DLGAP2: variants seen among roughly 807,000 people sequenced by gnomAD.
DLGAP2 encodes DLG associated protein 2.
Under a neutral mutation model 100.3 loss-of-function variants are expected in DLGAP2, and 26 were observed. That is an observed-to-expected ratio of 0.26 (90% CI 0.19 to 0.36). The LOEUF (loss-of-function observed/expected upper bound fraction) is 0.36. Among genes scored for constraint, DLGAP2 ranks in the 10% least tolerant of loss-of-function variants. The pLI is 1.00. For missense variants in DLGAP2, 1,858 were observed against 1,453.2 expected, an observed-to-expected ratio of 1.28 and a Z score of -4.53; for synonymous variants, 886 against 630.1, an observed-to-expected ratio of 1.41 and a Z score of -6.08.
chr8:1,270,766 G>T (rs1319268308), intron 3 of DLGAP2, among the ~76,000 whole-genome samples: 1 of 151,014 alleles, frequency 6.6e-6, no homozygotes, highest in Non-Finnish European at 1.5e-5. Flanking sequence ...CTCTCTCTGT[G>T]TGTCTCTCTG....
intron 3 of DLGAP2, among the ~76,000 whole-genome samples, chr8:1,320,482 G>C (rs1008728043): frequency 3.9e-5 from 6 of 152,204 alleles, no homozygotes; most frequent in African/African-American, 1.4e-4. Flanking sequence ...AAGGCATCAG[G>C]AGCCGGGCAG....
chr8:1,147,961 T>A (rs1396351895), intron 2 of DLGAP2, among the ~76,000 whole-genome samples: 3 of 152,250 alleles, frequency 2.0e-5, no homozygotes, highest in African/African-American at 7.2e-5. Flanking sequence ...CCCTTTGATT[T>A]GGAATTAAAG....
chr8:1,677,713 G>C (rs1186585538), intron 11 of DLGAP2, among the ~76,000 whole-genome samples: 1 of 152,214 alleles, frequency 6.6e-6, no homozygotes, highest in African/African-American at 2.4e-5. Flanking sequence ...ACCTGCCAAA[G>C]TCAGAATTTG....
chr8:799,192 G>T (rs1479046493), intron 1 of DLGAP2, among the ~76,000 whole-genome samples: 1 of 152,168 alleles, frequency 6.6e-6, no homozygotes, highest in African/African-American at 2.4e-5. Context: ...TTCTCTCTGG[G>T]TTTCAGCTCA....
chr8:780,395 CACGTAGGTTG>C, intron 1 of DLGAP2, among the ~76,000 whole-genome samples: 2 of 152,318 alleles, frequency 1.3e-5, no homozygotes, highest in African/African-American at 4.8e-5. Flanking sequence ...CATTGACAGA[CACGTAGGTTG>C]ATTCCATATC....
chr8:1,544,209 T>C (rs933581156), intron 4 of DLGAP2, among the ~76,000 whole-genome samples: 10 of 152,354 alleles, frequency 6.6e-5, no homozygotes, highest in African/African-American at 2.4e-4. Flanking sequence ...GGCCCTCTTT[T>C]ACCTCCTTGG....
Position 1,417,245 on chromosome 8 carries a change from G to C in DLGAP2, c.107-84121G>C, listed in dbSNP as rs562319725. Among the ~76,000 whole-genome samples the C allele has an allele frequency of 2.0e-3, 248 of 124,366 alleles. 1 individual carries two copies. The highest frequency in any genetic ancestry group is 5.2e-3 in the South Asian group (22 of 4,194). 81.6% of individuals were successfully genotyped at this position (124,366 alleles called of 152,430 possible). On this transcript the variant is annotated intron_variant, in intron 3 of 14. Transcript: ENST00000637795. ...AGCGTCCGTTTGGCGTCTGAGGTGG[G>C]GAGACCGGCATTCATTTAGCGTCTG...
intron 2 of DLGAP2, among the ~76,000 whole-genome samples, chr8:1,073,136 T>A (rs1803486764): frequency 6.6e-6 from 1 of 152,248 alleles, no homozygotes; most frequent in Non-Finnish European, 1.5e-5. Context: ...AGGCACGATC[T>A]GGCTTCCAGG....
intron 3 of DLGAP2, among the ~76,000 whole-genome samples, chr8:1,381,847 G>A (rs991453652): frequency 1.3e-5 from 2 of 150,996 alleles, no homozygotes; most frequent in African/African-American, 4.9e-5. Context: ...TTCAAAGTGA[G>A]CGTAGCCATT....
intron 2 of DLGAP2, among the ~76,000 whole-genome samples, chr8:1,121,126 TC>T (rs1796035104): frequency 6.6e-6 from 1 of 150,968 alleles, no homozygotes; most frequent in East Asian, 2.0e-4. Context: ...TGACCTCCCA[TC>T]CTCGTCCAGT....
intron 2 of DLGAP2, among the ~76,000 whole-genome samples, chr8:1,073,492 C>G (rs1803497619): frequency 6.6e-6 from 1 of 152,076 alleles, no homozygotes; most frequent in African/African-American, 2.4e-5. Context: ...TGCTCCTGAG[C>G]TCAGAATTTA....
chr8:1,006,196 AAAG>A (rs1801104252), intron 2 of DLGAP2, among the ~76,000 whole-genome samples: 1 of 152,166 alleles, frequency 6.6e-6, no homozygotes, highest in African/African-American at 2.4e-5. Context: ...CTCAAAAAGA[AAAG>A]AAGAAATCTC....
chr8:1,263,024 T>C (rs1163326219), intron 3 of DLGAP2, among the ~76,000 whole-genome samples: 1 of 152,184 alleles, frequency 6.6e-6, no homozygotes, highest in Non-Finnish European at 1.5e-5. Flanking sequence ...CAGTGACGTA[T>C]TAACAGTGTC....
At chr8:1,620,583 C>T (rs148815855) in intron 6 of DLGAP2, 4 of 152,318 alleles carry the variant, frequency 2.6e-5, no homozygotes, top group Admixed American at 2.0e-4. Flanking sequence ...TATCATAGAT[C>T]TTGCCTTTGT....
chr8:943,311 T>C (rs1236362996), intron 2 of DLGAP2, among the ~76,000 whole-genome samples: 1 of 150,110 alleles, frequency 6.7e-6, no homozygotes, highest in African/African-American at 2.4e-5. Context: ...GAAAAAAAAA[T>C]CATACGGCGA....
intron 2 of DLGAP2, chr8:1,137,522 C>G (rs996008541): frequency 6.6e-6 from 1 of 152,166 alleles, no homozygotes. Context: ...TGCATTGGAG[C>G]GAAAATGTTT....
chr8:937,406 A>C (rs1055823076), intron 2 of DLGAP2, among the ~76,000 whole-genome samples: 5 of 152,228 alleles, frequency 3.3e-5, no homozygotes, highest in Non-Finnish European at 7.3e-5. Flanking sequence ...AAATTTTTTT[A>C]AGAAGCCTAT....
intron 2 of DLGAP2, among the ~76,000 whole-genome samples, chr8:1,116,269 A>G (rs1805114718): frequency 6.6e-6 from 1 of 152,160 alleles, no homozygotes; most frequent in African/African-American, 2.4e-5. Context: ...TGTATTGTCA[A>G]GTGACTAAGG....
At chr8:958,016 T>C (rs926583977) in intron 2 of DLGAP2, among the ~76,000 whole-genome samples, 3 of 152,164 alleles carry the variant, frequency 2.0e-5, no homozygotes, top group African/African-American at 7.2e-5. Context: ...GTAGAAACTC[T>C]GTGTCATTAA....
Sources: gnomAD v4.1 joint callset for allele counts (sites outside exome capture counted in the v4.1 genomes callset) on GRCh38, gnomAD v4.1.1 for gene constraint, MANE v1.5 for transcripts, NCBI Gene and HGNC (gene_info 2026-07-23, HGNC 2026-07-21) for gene names.